MAST4: variants seen among roughly 807,000 people sequenced by gnomAD.
The protein encoded by MAST4 is microtubule associated serine/threonine kinase family member 4, also known as microtubule-associated serine/threonine-protein kinase 4.
A neutral mutation model predicts 162.7 loss-of-function variants in MAST4; 89 were observed. The observed-to-expected ratio is 0.55, with a 90% confidence interval of 0.46 to 0.65. The LOEUF is 0.65. Among genes scored for constraint, MAST4 ranks in the 30% least tolerant of loss-of-function variants. The pLI is 0.00. For synonymous variants in MAST4, 1,479 were observed against 1,361.1 expected, an observed-to-expected ratio of 1.09 and a Z score of -1.91; for missense variants, 3,153 against 3,374.0, an observed-to-expected ratio of 0.93 and a Z score of 1.62.
At chr5:67,097,578 G>A (rs969493076) in intron 7 of MAST4, among the ~76,000 whole-genome samples, 5 of 152,010 alleles carry the variant, frequency 3.3e-5, no homozygotes, top group African/African-American at 4.8e-5. Context: ...TGAAATCGTT[G>A]CTGTCTCTAA....
At chr5:67,134,716 G>A (rs780319473) in intron 18 of MAST4, 28 bp downstream of exon 18, 2 of 1,579,678 alleles carry the variant, frequency 1.3e-6, no homozygotes, top group Admixed American at 1.7e-5. Context: ...TTATCTTTAG[G>A]TCACTGTTGG....
At chr5:66,722,688 T>C (rs78668444) in intron 1 of MAST4, among the ~76,000 whole-genome samples, 8,351 of 152,214 alleles carry the variant, frequency 0.055, 345 homozygotes, top group African/African-American at 0.12. Flanking sequence ...GCGAGAAATA[T>C]TGGCTGCAGC....
At chr5:67,041,755 A>G (rs1040770765) in intron 4 of MAST4, among the ~76,000 whole-genome samples, 4 of 152,266 alleles carry the variant, frequency 2.6e-5, no homozygotes, top group African/African-American at 9.6e-5. Context: ...CAGCCTCCTG[A>G]GTAGCTGGAA....
At chr5:66,921,442 T>A (rs1431354747) in intron 4 of MAST4, among the ~76,000 whole-genome samples, 1 of 151,910 alleles carries the variant, frequency 6.6e-6, no homozygotes, top group Non-Finnish European at 1.5e-5. Flanking sequence ...TTGTAAAAGA[T>A]GAAAAAATAG....
In MAST4 at chr5:67,165,771, C is replaced by G; in HGVS notation, c.6592C>G (p.Pro2198Ala). Residue 2198 changes from proline to alanine, a missense_variant, in exon 29 of 29, where the codon CCT (proline) becomes GCT (alanine). Pro to Ala is a conservative substitution (Grantham distance 27). This residue lies in a region of MAST4 where 1,644 missense variants were observed against 1,495.0 expected (regional missense o/e 1.10). Coordinates refer to ENST00000403625, the MANE Select transcript of MAST4 (RefSeq NM_001164664.2). Reference protein sequence around the residue: ...ESSSHKPRPGPDPGPPKTKHP... With the variant: ...ESSSHKPRPGADPGPPKTKHP... Reference sequence around the variant, plus strand: ...CAGCAGCCACAAGCCCCGGCCTGGCCCTGACCCGGGCCCTCCAAAGACTAA... The same window carrying G: ...CAGCAGCCACAAGCCCCGGCCTGGCGCTGACCCGGGCCCTCCAAAGACTAA... 1 of 1,601,908 alleles carries G rather than the reference C, an allele frequency of 6.2e-7. No homozygotes were observed.
At chr5:66,859,207 T>C (rs1759907577) in intron 3 of MAST4, among the ~76,000 whole-genome samples, 1 of 152,224 alleles carries the variant, frequency 6.6e-6, no homozygotes, top group Admixed American at 6.5e-5. Flanking sequence ...TATTTTGTTG[T>C]GCAGCATGAG....
At chr5:66,941,717 G>A (rs531068505) in intron 4 of MAST4, among the ~76,000 whole-genome samples, 39 of 152,228 alleles carry the variant, frequency 2.6e-4, no homozygotes, top group African/African-American at 7.7e-4. Context: ...CTAGCTTTCC[G>A]TCTTGGCTTT....
chr5:67,029,608 C>G (rs1047689811), intron 4 of MAST4, among the ~76,000 whole-genome samples: 1 of 152,082 alleles, frequency 6.6e-6, no homozygotes, highest in Admixed American at 6.6e-5. Context: ...TTGCAAAATT[C>G]TATGGCAAGG....
At chr5:66,721,735 T>C (rs989790366) in intron 1 of MAST4, among the ~76,000 whole-genome samples, 43 of 151,148 alleles carry the variant, frequency 2.8e-4, no homozygotes, top group African/African-American at 1.0e-3. Flanking sequence ...CTCGAATGCC[T>C]GGTAGGTACC....
intron 1 of MAST4, among the ~76,000 whole-genome samples, chr5:66,670,996 T>C (rs1351196350): frequency 6.6e-6 from 1 of 152,204 alleles, no homozygotes; most frequent in Non-Finnish European, 1.5e-5. Flanking sequence ...ATTTTTACAC[T>C]GGTGTTGTAT....
At chr5:66,911,998 T>C (rs1409348737) in intron 4 of MAST4, among the ~76,000 whole-genome samples, 1 of 152,192 alleles carries the variant, frequency 6.6e-6, no homozygotes, top group Non-Finnish European at 1.5e-5. Context: ...ATGCAGTCTT[T>C]TATTGTTATT....
chr5:67,093,781 CTCA>C, intron 6 of MAST4: 1 of 376,910 alleles, frequency 2.7e-6, no homozygotes. Context: ...AATTGTGTCC[CTCA>C]CTCTTTCCAG....
At chr5:66,845,089 A>ATTTT (rs1267915598) in intron 3 of MAST4, among the ~76,000 whole-genome samples, 2 of 25,262 alleles carry the variant, frequency 7.9e-5, no homozygotes, top group African/African-American at 2.3e-4. Context: ...TAATCTTTAT[A>ATTTT]TATATATATA....
chr5:66,902,682 CAA>C (rs1406593966), intron 4 of MAST4: 2 of 470,308 alleles, frequency 4.3e-6, no homozygotes, highest in Non-Finnish European at 8.8e-6. Flanking sequence ...GGGTAATAGA[CAA>C]GAGAAGTGAG....
At chr5:67,124,814 A>C (rs1189138118) in intron 14 of MAST4, among the ~76,000 whole-genome samples, 1 of 152,238 alleles carries the variant, frequency 6.6e-6, no homozygotes, top group Non-Finnish European at 1.5e-5. Flanking sequence ...AAATCTGAGA[A>C]TAAAGACTAA....
At chr5:66,991,071 T>A (rs1441568251) in intron 4 of MAST4, among the ~76,000 whole-genome samples, 1 of 152,118 alleles carries the variant, frequency 6.6e-6, no homozygotes, top group Non-Finnish European at 1.5e-5. Flanking sequence ...GTATCAGTGG[T>A]TTGAGAGAAG....
At chr5:66,883,670 A>C (rs1159029609) in intron 3 of MAST4, among the ~76,000 whole-genome samples, 1 of 151,882 alleles carries the variant, frequency 6.6e-6, no homozygotes, top group African/African-American at 2.4e-5. Flanking sequence ...CTCGTGATCC[A>C]CCCACCTTGG....
intron 1 of MAST4, among the ~76,000 whole-genome samples, chr5:66,670,675 C>G (rs1169267081): frequency 6.6e-6 from 1 of 151,894 alleles, no homozygotes; most frequent in Non-Finnish European, 1.5e-5. Flanking sequence ...ACTGACATCC[C>G]TATAAGAACA....
At chr5:67,030,614 A>G (rs1183288798) in intron 4 of MAST4, among the ~76,000 whole-genome samples, 1 of 152,176 alleles carries the variant, frequency 6.6e-6, no homozygotes, top group Admixed American at 6.5e-5. Context: ...TTGTATTAGT[A>G]ATGAGGTTGT....
Sources: allele counts gnomAD v4.1 joint callset (sites outside exome capture counted in the v4.1 genomes callset), GRCh38; gene constraint gnomAD v4.1.1; regional missense constraint gnomAD v4.1.1; transcripts MANE v1.5; gene names NCBI Gene and HGNC (gene_info 2026-07-23, HGNC 2026-07-21).